TSHZ3: variants seen among roughly 807,000 people sequenced by gnomAD.
TSHZ3 encodes the protein teashirt homolog 3.
TSHZ3 carries 10 observed loss-of-function variants against 64.5 expected under a neutral mutation model. That is an observed-to-expected ratio of 0.16 (90% CI 0.10 to 0.26). TSHZ3 has a LOEUF of 0.26. TSHZ3 is among the 10% of genes least tolerant of loss of function. The probability of loss-of-function intolerance (pLI) is 1.00; values close to 1 mark genes in which losing one functional copy is unlikely to be tolerated. For synonymous variants in TSHZ3, 608 were observed against 593.1 expected, an observed-to-expected ratio of 1.03 and a Z score of -0.36; for missense variants, 1,242 against 1,421.7, an observed-to-expected ratio of 0.87 and a Z score of 2.03.
intron 1 of TSHZ3, among the ~76,000 whole-genome samples, chr19:31,263,092 C>T (rs887791602): frequency 2.0e-5 from 3 of 152,172 alleles, no homozygotes; most frequent in Admixed American, 1.3e-4. Flanking sequence ...CCAGGGCAGA[C>T]AGCATCGTGA....
At chr19:31,271,258 T>C (rs1976133017), downstream of TSHZ3, among the ~76,000 whole-genome samples, 1 of 152,294 alleles carries the variant, frequency 6.6e-6, no homozygotes, top group African/African-American at 2.4e-5. Context: ...CAGGGTTCGC[T>C]GGCCTTTAAA....
At chr19:31,239,748 T>A (rs1599599892) in intron 3 of TSHZ3, among the ~76,000 whole-genome samples, 1 of 150,874 alleles carries the variant, frequency 6.6e-6, no homozygotes, top group Non-Finnish European at 1.5e-5. Context: ...CCCAGCTAAT[T>A]AAAAAAAAAC....
At chr19:31,338,999 G>A (rs920805129) in intron 1 of TSHZ3, among the ~76,000 whole-genome samples, 49 of 151,982 alleles carry the variant, frequency 3.2e-4, no homozygotes, top group South Asian at 4.2e-4. Context: ...AGGTTTACAC[G>A]GCAAGTCTAA....
chr19:31,215,368 A>G (rs548295015), intron 4 of TSHZ3, among the ~76,000 whole-genome samples: 5 of 152,352 alleles, frequency 3.3e-5, no homozygotes, highest in South Asian at 2.1e-4. Flanking sequence ...AATAACATCA[A>G]TGCTATACAA....
Position 31,259,513 on chromosome 19 carries a change from C to T in TSHZ3, n.64-16638G>A, listed in dbSNP as rs963044129. Among the ~76,000 whole-genome samples the T allele has an allele frequency of 3.3e-5, 5 of 152,058 alleles. No homozygotes were observed. The East Asian group carries it at 9.7e-4, about 29-fold the overall frequency. The stretch of plus-strand genomic sequence containing the variant: ...TCGAAGCATGCGTCTGAGAAATGGT[C>T]GTTCCCTGCTAGGCACATGGGCTGG... On this transcript the variant is annotated intron_variant and non_coding_transcript_variant, in intron 1 of 6. Transcript: ENST00000651361.
intron 1 of TSHZ3, among the ~76,000 whole-genome samples, chr19:31,296,591 C>T (rs911007666): frequency 6.6e-5 from 10 of 152,204 alleles, no homozygotes; most frequent in African/African-American, 2.4e-4. Flanking sequence ...CCGCCTCAGC[C>T]TCCCAAAGTG....
chr19:31,322,078 G>C (rs1056402457), intron 1 of TSHZ3, among the ~76,000 whole-genome samples: 1 of 152,082 alleles, frequency 6.6e-6, no homozygotes, highest in African/African-American at 2.4e-5. Context: ...AGAACACGCA[G>C]TGTTTGGTTT....
intron 5 of TSHZ3, among the ~76,000 whole-genome samples, chr19:31,200,748 T>C (rs1277212234): frequency 6.6e-6 from 1 of 152,156 alleles, no homozygotes; most frequent in African/African-American, 2.4e-5. Flanking sequence ...GATGTGTTAA[T>C]GTAGGTTTAT....
chr19:31,225,245 G>A (rs930176433), intron 4 of TSHZ3, among the ~76,000 whole-genome samples: 5 of 152,358 alleles, frequency 3.3e-5, no homozygotes, highest in Non-Finnish European at 7.3e-5. Flanking sequence ...TGGCCCCAGA[G>A]TCAGCCTCAG....
At chr19:31,346,803 A>G (rs2021534370) in intron 1 of TSHZ3, among the ~76,000 whole-genome samples, 1 of 152,092 alleles carries the variant, frequency 6.6e-6, no homozygotes, top group Non-Finnish European at 1.5e-5. Flanking sequence ...CCCCCAAAAA[A>G]AAAACCTCTG....
At chr19:31,219,848 C>T (rs978397811) in intron 4 of TSHZ3, among the ~76,000 whole-genome samples, 8 of 149,434 alleles carry the variant, frequency 5.4e-5, no homozygotes, top group Non-Finnish European at 1.2e-4. Flanking sequence ...AAAATGTATA[C>T]TGAATATATC....
chr19:31,283,259 G>A (rs1050203092), intron 1 of TSHZ3, among the ~76,000 whole-genome samples: 4 of 152,036 alleles, frequency 2.6e-5, no homozygotes, highest in South Asian at 2.1e-4. Context: ...ACTTGAACCC[G>A]GAGGTGGAGG....
exon 6 of TSHZ3, among the ~76,000 whole-genome samples, chr19:31,156,417 C>A (rs1026569812): frequency 1.3e-5 from 2 of 152,134 alleles, no homozygotes; most frequent in African/African-American, 2.4e-5. Context: ...CTTTGTTCTC[C>A]CTATAAACAA....
At chr19:31,286,890 C>A (rs1264220387) in intron 1 of TSHZ3, among the ~76,000 whole-genome samples, 4 of 152,188 alleles carry the variant, frequency 2.6e-5, no homozygotes, top group African/African-American at 9.7e-5. Context: ...AGCTGGCCCA[C>A]CGTGGCCATC....
intron 5 of TSHZ3, among the ~76,000 whole-genome samples, chr19:31,162,944 G>A (rs1377781081): frequency 1.3e-5 from 2 of 152,220 alleles, no homozygotes; most frequent in African/African-American, 2.4e-5. Flanking sequence ...GCTTTTATGT[G>A]CCCCACTGAA....
intron 5 of TSHZ3, among the ~76,000 whole-genome samples, chr19:31,202,760 A>T (rs1051423666): frequency 1.3e-5 from 2 of 152,236 alleles, no homozygotes; most frequent in African/African-American, 4.8e-5. Context: ...GGATATTTTT[A>T]AAGTCAGTAC....
chr19:31,175,777 T>C (rs777159681), intron 5 of TSHZ3, among the ~76,000 whole-genome samples: 8 of 152,226 alleles, frequency 5.3e-5, no homozygotes, highest in Non-Finnish European at 1.0e-4. Context: ...AGTGGGGCCC[T>C]GGCCAGGAGC....
chr19:31,156,452 G>A (rs550255930), intron 5 of TSHZ3, among the ~76,000 whole-genome samples: 1 of 152,222 alleles, frequency 6.6e-6, no homozygotes, highest in South Asian at 2.1e-4. Flanking sequence ...AGTGGGATAA[G>A]ACATCCCACT....
intron 3 of TSHZ3, among the ~76,000 whole-genome samples, chr19:31,238,847 A>G (rs372417692): frequency 5.9e-5 from 9 of 152,160 alleles, no homozygotes; most frequent in African/African-American, 2.2e-4. Flanking sequence ...AAAAATCTCT[A>G]TTTTCATTGG....
Sources: gnomAD v4.1 joint callset for allele counts (sites outside exome capture counted in the v4.1 genomes callset) on GRCh38, gnomAD v4.1.1 for gene constraint, MANE v1.5 for transcripts, NCBI Gene and HGNC (gene_info 2026-07-23, HGNC 2026-07-21) for gene names.